Variants in KIAA1671 observed in about 807,000 individuals in gnomAD.
KIAA1671 encodes the protein KIAA1671.
Under a neutral mutation model 131.2 loss-of-function variants are expected in KIAA1671, and 52 were observed. That is an observed-to-expected ratio of 0.40 (90% CI 0.32 to 0.50). KIAA1671 has a LOEUF of 0.50. Among genes scored for constraint, KIAA1671 ranks in the 20% least tolerant of loss-of-function variants. The pLI, the probability that KIAA1671 is intolerant of heterozygous loss-of-function variation, is 0.73. For missense variants in KIAA1671, 2,360 were observed against 2,364.2 expected, an observed-to-expected ratio of 1.00 and a Z score of 0.04; for synonymous variants, 1,003 against 961.6, an observed-to-expected ratio of 1.04 and a Z score of -0.80.
At chr22:25,084,827 G>T (rs1929620401) in intron 6 of KIAA1671, among the ~76,000 whole-genome samples, 1 of 152,224 alleles carries the variant, frequency 6.6e-6, no homozygotes, top group Admixed American at 6.5e-5. Context: ...CCATGTGTTT[G>T]GCACACGTGA....
intron 6 of KIAA1671, among the ~76,000 whole-genome samples, chr22:25,140,854 A>C (rs1015632388): frequency 2.6e-5 from 4 of 152,244 alleles, no homozygotes; most frequent in Admixed American, 6.5e-5. Flanking sequence ...ATATGTGGTC[A>C]CTGTCATCAT....
chr22:25,065,644 A>T (rs1032321396), intron 6 of KIAA1671, among the ~76,000 whole-genome samples: 18 of 150,628 alleles, frequency 1.2e-4, no homozygotes, highest in East Asian at 5.9e-4. Flanking sequence ...TATTATTATT[A>T]TTATTTTTTT....
At chr22:25,112,399 T>C (rs1931411559) in intron 6 of KIAA1671, 1 of 398,960 alleles carries the variant, frequency 2.5e-6, no homozygotes, top group Non-Finnish European at 4.4e-6. Context: ...GCTTCTCTGC[T>C]CGCAGCCAAC....
At chr22:25,004,840 G>T (rs1386606233) in intron 1 of KIAA1671, among the ~76,000 whole-genome samples, 2 of 151,710 alleles carry the variant, frequency 1.3e-5, no homozygotes, top group African/African-American at 4.8e-5. Flanking sequence ...CAGCTACTCG[G>T]GAGGCTGAGG....
chr22:24,982,842 A>C (rs1361269883), intron 1 of KIAA1671, among the ~76,000 whole-genome samples: 1 of 152,186 alleles, frequency 6.6e-6, no homozygotes, highest in Non-Finnish European at 1.5e-5. Flanking sequence ...TTGCAGGATG[A>C]GTGCCAGCGT....
intron 1 of KIAA1671, among the ~76,000 whole-genome samples, chr22:24,996,262 C>A (rs1924131293): frequency 6.6e-6 from 1 of 151,952 alleles, no homozygotes. Context: ...AGCTTCATTG[C>A]TGGTGGCTGA....
intron 6 of KIAA1671, chr22:25,112,384 C>A (rs572046119): frequency 2.5e-6 from 1 of 399,144 alleles, no homozygotes; most frequent in East Asian, 3.6e-5. Flanking sequence ...GGGAATCCTT[C>A]CGCCGCTTCT....
intron 2 of KIAA1671, 109 bp from the exon 3 acceptor site, chr22:25,027,836 T>G: frequency 1.7e-6 from 1 of 586,206 alleles, no homozygotes; most frequent in Non-Finnish European, 2.9e-6. Flanking sequence ...AGGGCTGTCG[T>G]ATGGAATCTG....
At chr22:25,025,179 G>T (rs34326701) in intron 1 of KIAA1671, among the ~76,000 whole-genome samples, 3,601 of 68,236 alleles carry the variant, frequency 0.053, 157 homozygotes, top group African/African-American at 0.16. Flanking sequence ...CACCTCGAAT[G>T]CTCAGTAGCT....
intron 6 of KIAA1671, among the ~76,000 whole-genome samples, chr22:25,169,931 T>C (rs1336788964): frequency 6.6e-6 from 1 of 152,148 alleles, no homozygotes; most frequent in Non-Finnish European, 1.5e-5. Flanking sequence ...TTCATGTTTT[T>C]TGTTTGAGAT....
At chr22:25,099,537 GTTT>G (rs1223034273) in intron 6 of KIAA1671, among the ~76,000 whole-genome samples, 8 of 112,110 alleles carry the variant, frequency 7.1e-5, no homozygotes, top group Non-Finnish European at 1.4e-4. Flanking sequence ...CAAAATGTGG[GTTT>G]TTTTGTTTTT....
intron 1 of KIAA1671, among the ~76,000 whole-genome samples, chr22:25,017,368 G>A (rs536184176): frequency 1.8e-4 from 27 of 152,220 alleles, no homozygotes; most frequent in African/African-American, 6.5e-4. Context: ...GGGCGACAGA[G>A]CAAGACTCCA....
intron 6 of KIAA1671, among the ~76,000 whole-genome samples, chr22:25,150,832 T>C (rs1374720170): frequency 7.0e-6 from 1 of 143,382 alleles, no homozygotes; most frequent in African/African-American, 2.6e-5. Context: ...TTCTGGGTCC[T>C]TTGCTTTTTT....
intron 3 of KIAA1671, among the ~76,000 whole-genome samples, chr22:25,031,443 G>A (rs1030847761): frequency 2.0e-5 from 3 of 152,132 alleles, no homozygotes; most frequent in Non-Finnish European, 4.4e-5. Flanking sequence ...TGATCCGCCC[G>A]CCTCAGCCTT....
intron 6 of KIAA1671, chr22:25,112,391 T>G: frequency 2.5e-6 from 1 of 399,084 alleles, no homozygotes; most frequent in East Asian, 3.6e-5. Flanking sequence ...CTTCCGCCGC[T>G]TCTCTGCTCG....
In KIAA1671 at chr22:25,040,440, A is replaced by G; in HGVS notation, c.3310A>G (p.Lys1104Glu). The stretch of plus-strand genomic sequence containing the variant: ...AAATGCAAGCATTTTAAAAACTCTG[A>G]AGCCAACAGACCGTCCATCATCTCT... ...HENASILKTL[K>E]PTDRPSSLGA... The change falls in exon 5 of 13, where the codon AAG becomes GAG. Residue 1104 changes from lysine (K) to glutamate (E), a missense_variant. By Grantham distance (56) the Lys-to-Glu change is moderately conservative (BLOSUM62 1). Transcript: ENST00000358431. 20 of 1,552,036 alleles carry G rather than the reference A, an allele frequency of 1.3e-5. No homozygotes were observed. The highest frequency in any genetic ancestry group is 1.7e-5 in the Non-Finnish European group (20 of 1,147,062).
chr22:25,056,255 T>A (rs1408233543), intron 6 of KIAA1671: 1 of 149,368 alleles, frequency 6.7e-6, no homozygotes, highest in Non-Finnish European at 1.5e-5. Flanking sequence ...GTCTTTTCAT[T>A]CTCTTGATAA....
chr22:25,022,431 C>G (rs1925725457), intron 1 of KIAA1671, among the ~76,000 whole-genome samples: 1 of 152,168 alleles, frequency 6.6e-6, no homozygotes, highest in Non-Finnish European at 1.5e-5. Flanking sequence ...AGTACAGAAC[C>G]TGGTGCTTGG....
intron 6 of KIAA1671, among the ~76,000 whole-genome samples, chr22:25,093,778 C>G (rs920049515): frequency 1.7e-4 from 20 of 117,566 alleles, no homozygotes; most frequent in East Asian, 6.9e-4. Flanking sequence ...GTCTCTCTCT[C>G]TCTCTCTCTC....
Sources: allele counts gnomAD v4.1 joint callset (sites outside exome capture counted in the v4.1 genomes callset), GRCh38; gene constraint gnomAD v4.1.1; transcripts MANE v1.5; gene names NCBI Gene and HGNC (gene_info 2026-07-23, HGNC 2026-07-21).